Variants in SHC2 observed in about 807,000 individuals in gnomAD.
SHC2 encodes the protein SHC adaptor protein 2, also known as SHC-transforming protein 2.
A neutral mutation model predicts 60.6 loss-of-function variants in SHC2; 62 were observed. That is an observed-to-expected ratio of 1.02 (90% CI 0.83 to 1.26). The LOEUF is 1.26. SHC2 is among the 50% of genes most tolerant of loss of function. SHC2 has a pLI of 0.00. For missense variants in SHC2, 873 were observed against 822.2 expected, an observed-to-expected ratio of 1.06 and a Z score of -0.76; for synonymous variants, 375 against 372.4, an observed-to-expected ratio of 1.01 and a Z score of -0.08.
chr19:417,323 C>A lies in SHC2; in HGVS notation c.*6-1G>T, dbSNP rs960180147. On this transcript the variant is annotated splice_acceptor_variant, in intron 12 of 12. Transcript: ENST00000264554. LOFTEE classifies it low-confidence loss of function (3UTR_SPLICE). ...AGGAGCCAGGGCTGAGAACGGTCAC[C>A]TGCGGGCAGAAAGAGAAGGCGAGGT... is the stretch of plus-strand genomic sequence containing the variant. 9 of 152,766 alleles carry A rather than the reference C, an allele frequency of 5.9e-5. No individual in the cohort carries two copies. The highest frequency in any genetic ancestry group is 2.2e-4 in the African/African-American group (9 of 41,474). The allele number at this position is 152,766 out of a possible 1,614,324, so 9.5% of individuals were successfully genotyped here. A position where few individuals can be genotyped will look rare whatever the true frequency, so the allele number is the denominator to read the frequency against.
intron 1 of SHC2, among the ~76,000 whole-genome samples, chr19:444,083 G>A (rs553839336): frequency 2.5e-4 from 37 of 150,184 alleles, no homozygotes; most frequent in African/African-American, 8.8e-4. Flanking sequence ...GTGGATGGAT[G>A]GAGGGTGGAT....
chr19:434,184 C>T (rs903259498), intron 8 of SHC2, among the ~76,000 whole-genome samples: 6 of 106,010 alleles, frequency 5.7e-5, no homozygotes, highest in African/African-American at 2.6e-4. Flanking sequence ...TAGAGGAGGC[C>T]GGGCAGATAC....
At position 460,968 on chromosome 19, in the gene SHC2, G is replaced by GGCGC; in HGVS notation, c.25_28dup (p.Pro10ArgfsTer165). 1.0e-6 allele frequency: 1 copy of GGCGC among 981,848 alleles called. No individual in the cohort carries two copies. The allele number at this position is 981,848 out of a possible 1,614,324, so 60.8% of individuals were successfully genotyped here. On this transcript the variant is annotated frameshift_variant, in exon 1 of 13. Coordinates refer to ENST00000264554, the MANE Select transcript of SHC2 (RefSeq NM_012435.3). LOFTEE classifies it high-confidence loss of function. ...CTCGGGGGGCGCGGGGGGCGCCGGGGGCGCGCGCCCGCCCGGACCCTGCGT... is the reference window on the plus strand; with the variant it reads ...CTCGGGGGGCGCGGGGGGCGCCGGGGGCGCGCGCGCGCCCGCCCGGACCCTGCGT...
intron 10 of SHC2, among the ~76,000 whole-genome samples, chr19:423,680 G>C (rs915458073): frequency 3.9e-5 from 6 of 152,042 alleles, no homozygotes; most frequent in Admixed American, 6.6e-5. Flanking sequence ...GGGTCCTCCA[G>C]CCCTGACCCT....
chr19:429,924 A>G (rs1175850715), intron 9 of SHC2, among the ~76,000 whole-genome samples: 29 of 131,514 alleles, frequency 2.2e-4, no homozygotes, highest in African/African-American at 3.8e-4. Context: ...TGTGGATGAC[A>G]CAGTATCTAC....
chr19:457,447 C>A (rs1271919594), intron 1 of SHC2, among the ~76,000 whole-genome samples: 1 of 139,294 alleles, frequency 7.2e-6, no homozygotes, highest in East Asian at 2.1e-4. Context: ...AAGGTCGCCT[C>A]CTGGGAGGGG....
At chr19:455,596 C>T (rs1015433062) in intron 1 of SHC2, among the ~76,000 whole-genome samples, 1 of 152,372 alleles carries the variant, frequency 6.6e-6, no homozygotes, top group East Asian at 1.9e-4. Context: ...CCGGCTGAGT[C>T]GCCCGGCCCA....
chr19:431,281 CGTGA>C (rs151106823), intron 8 of SHC2, among the ~76,000 whole-genome samples: 1,745 of 151,472 alleles, frequency 0.012, 21 homozygotes, highest in African/African-American at 0.039. Context: ...GGCGCTTCAT[CGTGA>C]GTGAGATCGT....
chr19:458,583 G>GTC (rs1406327785), intron 1 of SHC2, among the ~76,000 whole-genome samples: 2 of 142,210 alleles, frequency 1.4e-5, no homozygotes, highest in Non-Finnish European at 1.6e-5. Context: ...GCGGAAGCGG[G>GTC]TTCCGGGGGA....
Position 438,542 on chromosome 19 carries a change from C to T in SHC2, c.720+176G>A, listed in dbSNP as rs566720224. ...GCTCGCCCAGGTGGGAGCCCCTGAG[C>T]TGAGCCCCGTGAGGGCAGTGGCTGC... On this transcript the variant is annotated intron_variant, in intron 4 of 12. Coordinates refer to ENST00000264554, the MANE Select transcript of SHC2 (RefSeq NM_012435.3). The surrounding 1 kb of genome is among the most constrained non-coding windows in gnomAD (Gnocchi z 5.0). Among the ~76,000 whole-genome samples, 5 of 152,330 alleles carry T rather than the reference C, an allele frequency of 3.3e-5. No homozygotes were observed. In the South Asian group the frequency reaches 1.0e-3, roughly 32 times the overall value.
chr19:423,746 C>T (rs1056755465), intron 10 of SHC2, among the ~76,000 whole-genome samples: 6 of 152,260 alleles, frequency 3.9e-5, no homozygotes, highest in Non-Finnish European at 7.3e-5. Context: ...TCACCTCCCC[C>T]TCCCAGCCAG....
chr19:438,915 C>A lies in SHC2; in HGVS notation c.600+55G>T. On this transcript the variant is annotated intron_variant, in intron 3 of 12. Transcript: ENST00000264554. This position sits in a 1 kb window ranked among gnomAD's most constrained non-coding sequence, Gnocchi z 5.0. ...GGGCTCCCAGGATGGCCGCAGCGTC[C>A]CCACAGCCCCCGACTGCCCCACCAG... The A allele has an allele frequency of 1.3e-6, 2 of 1,555,720 alleles. No individual in the cohort carries two copies. The highest frequency in any genetic ancestry group is 1.7e-6 in the Non-Finnish European group (2 of 1,148,090).
intron 1 of SHC2, among the ~76,000 whole-genome samples, chr19:457,317 C>T (rs1348498683): frequency 2.8e-5 from 4 of 142,274 alleles, no homozygotes; most frequent in African/African-American, 1.2e-4. Context: ...TGTACCCCCC[C>T]TAGATCTCTG....
Position 441,031 on chromosome 19 carries a change from G to A in SHC2, c.469-99C>T. The A allele has an allele frequency of 6.5e-7, 1 of 1,533,358 alleles. No individual in the cohort carries two copies. Among genetic ancestry groups the A allele is most frequent in the South Asian group, 1.2e-5 (1 of 86,274 alleles). 95.0% of individuals were successfully genotyped at this position (1,533,358 alleles called of 1,614,324 possible). ...CTTCGCCGCCTCCACCACCCCTGGG[G>A]TCGAGCCCTTTCCTCTGTCCCTGGT... On this transcript the variant is annotated intron_variant, in intron 1 of 12. Transcript: ENST00000264554. This position sits in a 1 kb window ranked among gnomAD's most constrained non-coding sequence, Gnocchi z 4.9.
rs1974163104 is a variant in SHC2, at chr19:416,828, G to T, written c.*500C>A. 6.6e-6 allele frequency: 1 copy of T among 152,272 alleles called. No individual in the cohort carries two copies. Among genetic ancestry groups the T allele is most frequent in the East Asian group, 1.9e-4 (1 of 5,158 alleles). The allele number at this position is 152,272 out of a possible 1,614,324, so 9.4% of individuals were successfully genotyped here. The stretch of plus-strand genomic sequence containing the variant: ...CAAGGCTGCCTGCACTTCAGCGCCA[G>T]CATGTATCCTGGCCTGAGAACCCCA... On this transcript the variant is annotated 3_prime_UTR_variant, in exon 13 of 13. Coordinates refer to ENST00000264554, the MANE Select transcript of SHC2 (RefSeq NM_012435.3).
At chr19:435,341 G>A (rs1314116200) in intron 7 of SHC2, among the ~76,000 whole-genome samples, 1 of 152,250 alleles carries the variant, frequency 6.6e-6, no homozygotes, top group Non-Finnish European at 1.5e-5. Flanking sequence ...CACAGTCGCT[G>A]CTGGGATAAA....
chr19:421,619 T>C (rs946409868), intron 11 of SHC2, among the ~76,000 whole-genome samples: 1 of 152,008 alleles, frequency 6.6e-6, no homozygotes, highest in African/African-American at 2.4e-5. Context: ...TAAGTCATGA[T>C]AAATGGGGGG....
chr19:447,053 A>C (rs901591469), intron 1 of SHC2, among the ~76,000 whole-genome samples: 2 of 152,238 alleles, frequency 1.3e-5, no homozygotes, highest in African/African-American at 4.8e-5. Context: ...TTACTTTTTA[A>C]AGGAAATTGC....
At chr19:421,121 G>A (rs954717757) in intron 11 of SHC2, among the ~76,000 whole-genome samples, 11 of 151,358 alleles carry the variant, frequency 7.3e-5, no homozygotes, top group Admixed American at 2.0e-4. Flanking sequence ...AAGAAGGGCC[G>A]GGCGCAGTGG....
Sources: gnomAD v4.1 joint callset for allele counts (sites outside exome capture counted in the v4.1 genomes callset) on GRCh38, gnomAD v4.1.1 for gene constraint, Gnocchi (gnomAD v3.1) non-coding constraint, MANE v1.5 for transcripts, NCBI Gene and HGNC (gene_info 2026-07-23, HGNC 2026-07-21) for gene names.